The following ABI3BP variants were observed in gnomAD, a reference collection of about 807,000 sequenced individuals.
The protein encoded by ABI3BP is ABI family member 3 binding protein.
Under a neutral mutation model 268.6 loss-of-function variants are expected in ABI3BP, and 216 were observed. The ratio of observed to expected loss-of-function variants is 0.80; its 90% CI spans 0.72 to 0.90. The LOEUF (loss-of-function observed/expected upper bound fraction) is 0.90, where lower values mean the gene tolerates loss of function less well. Ranked by LOEUF, ABI3BP falls within the 40% of genes least tolerant of loss-of-function variation. The probability of loss-of-function intolerance (pLI) is 0.00; values close to 1 mark genes in which losing one functional copy is unlikely to be tolerated. For missense variants in ABI3BP, 2,090 were observed against 2,182.4 expected (o/e 0.96, Z 0.84); for synonymous variants, 730 against 730.0 (o/e 1.00, Z 0.00).
intron 14 of ABI3BP, among the ~76,000 whole-genome samples, chr3:100,853,922 T>A (rs2098901460): frequency 6.6e-6 from 1 of 152,138 alleles, no homozygotes; most frequent in Non-Finnish European, 1.5e-5. Flanking sequence ...ATTTCTGTAG[T>A]TTCCATGAGT....
At chr3:100,757,752 A>AATTT (rs2095701807) in intron 63 of ABI3BP, among the ~76,000 whole-genome samples, 1 of 152,184 alleles carries the variant, frequency 6.6e-6, no homozygotes, top group Non-Finnish European at 1.5e-5. Context: ...CAAAGAAATG[A>AATTT]CTGGAGTATT....
At chr3:100,843,520 T>C (rs1158658836) in intron 20 of ABI3BP, 3 of 732,658 alleles carry the variant, frequency 4.1e-6, no homozygotes, top group Non-Finnish European at 4.7e-6. Flanking sequence ...AGGGAGAGGA[T>C]GTGTGTGTGT....
chr3:100,869,883 C>T (rs1326655312), intron 9 of ABI3BP, among the ~76,000 whole-genome samples: 1 of 152,112 alleles, frequency 6.6e-6, no homozygotes, highest in Non-Finnish European at 1.5e-5. Context: ...ACAGTTGTTT[C>T]CTTTAATTTT....
Position 100,810,403 on chromosome 3 carries a change from T to C in ABI3BP, c.3607+9A>G, listed in dbSNP as rs756507830. The C allele has an allele frequency of 3.9e-6, 6 of 1,528,688 alleles. 1 individual carries two copies. Among genetic ancestry groups the C allele is most frequent in the South Asian group, 2.4e-5 (2 of 83,784 alleles). The allele number at this position is 1,528,688 out of a possible 1,614,324, so 94.7% of individuals were successfully genotyped here. A position where few individuals can be genotyped will look rare whatever the true frequency, so the allele number is the denominator to read the frequency against. On this transcript the variant is annotated intron_variant, in intron 49 of 67. Transcript: ENST00000471714. ...ACCTCATATATGACATACAAAATAA[T>C]GTATTTACCAGGTTCAGTCTGAGGC...
intron 28 of ABI3BP, 107 bp from the exon 29 acceptor site, chr3:100,834,880 G>A: frequency 9.4e-7 from 1 of 1,062,512 alleles, no homozygotes; most frequent in Non-Finnish European, 1.3e-6. Flanking sequence ...TGAGAAATTT[G>A]TCTCTTTGGT....
intron 35 of ABI3BP, 39 bp downstream of exon 35, chr3:100,825,746 A>G: frequency 6.8e-7 from 1 of 1,480,764 alleles, no homozygotes; most frequent in South Asian, 1.2e-5. Flanking sequence ...AAGCAGCAAA[A>G]GCACTTGGCA....
chr3:100,989,021 C>T (rs557041725), intron 1 of ABI3BP, among the ~76,000 whole-genome samples: 28 of 152,242 alleles, frequency 1.8e-4, no homozygotes, highest in Middle Eastern at 3.4e-3. Flanking sequence ...GTTGCCAGTG[C>T]GATAGTATTA....
At chr3:100,894,753 C>A (rs895507714) in intron 4 of ABI3BP, among the ~76,000 whole-genome samples, 1 of 151,714 alleles carries the variant, frequency 6.6e-6, no homozygotes. Flanking sequence ...TCCTGGCTAA[C>A]ACGGTGAAAC....
intron 1 of ABI3BP, among the ~76,000 whole-genome samples, chr3:100,983,629 G>T (rs928945635): frequency 7.9e-5 from 12 of 152,116 alleles, no homozygotes; most frequent in Admixed American, 2.0e-4. Context: ...TCATATAAAA[G>T]TAAATGACTT....
chr3:100,906,439 G>T (rs186117650), intron 2 of ABI3BP, among the ~76,000 whole-genome samples: 1 of 152,274 alleles, frequency 6.6e-6, no homozygotes. Flanking sequence ...GGGGACACAG[G>T]TGTGGAAAAA....
chr3:100,846,593 G>C, intron 19 of ABI3BP, 147 bp from the exon 20 acceptor site: 2 of 553,334 alleles, frequency 3.6e-6, no homozygotes, highest in Non-Finnish European at 3.1e-6. Context: ...ATTCCATTAA[G>C]AGAATATTTC....
chr3:100,798,682 G>C (rs2097429017), intron 51 of ABI3BP, among the ~76,000 whole-genome samples: 1 of 152,252 alleles, frequency 6.6e-6, no homozygotes, highest in East Asian at 1.9e-4. Flanking sequence ...AATGCACAAT[G>C]TCTGTCATAG....
chr3:100,939,645 T>C (rs1159235552), intron 1 of ABI3BP, among the ~76,000 whole-genome samples: 1 of 151,904 alleles, frequency 6.6e-6, no homozygotes, highest in Non-Finnish European at 1.5e-5. Context: ...ACAAGGCAAA[T>C]GGAGGCAGGG....
chr3:100,834,794 A>T, intron 28 of ABI3BP, 21 bp from the exon 29 acceptor site: 1 of 1,532,332 alleles, frequency 6.5e-7, no homozygotes, highest in Non-Finnish European at 8.7e-7. Context: ...GAAACTGGTT[A>T]TTGTAGTCAT....
chr3:100,865,009 G>A, intron 10 of ABI3BP, 102 bp from the exon 11 acceptor site: 1 of 851,832 alleles, frequency 1.2e-6, no homozygotes. Flanking sequence ...GCTGATATTT[G>A]TATAGCCCAT....
intron 55 of ABI3BP, among the ~76,000 whole-genome samples, chr3:100,790,839 A>T (rs971702176): frequency 1.3e-5 from 2 of 151,996 alleles, no homozygotes; most frequent in Non-Finnish European, 2.9e-5. Flanking sequence ...TTCTTGTCTC[A>T]TTCTAGAATA....
At chr3:100,817,803 G>A (rs2152568413) in intron 41 of ABI3BP, among the ~76,000 whole-genome samples, 1 of 152,244 alleles carries the variant, frequency 6.6e-6, no homozygotes, top group African/African-American at 2.4e-5. Flanking sequence ...TAACTGTATT[G>A]AAAAAGGCGT....
At chr3:100,880,985 G>A (rs1318767571) in intron 6 of ABI3BP, among the ~76,000 whole-genome samples, 2 of 152,012 alleles carry the variant, frequency 1.3e-5, no homozygotes, top group Non-Finnish European at 2.9e-5. Flanking sequence ...TGACTCAAGA[G>A]TCAAACCACA....
chr3:100,778,645 T>C (rs2096780588), intron 58 of ABI3BP: 3 of 347,190 alleles, frequency 8.6e-6, no homozygotes, highest in Middle Eastern at 7.5e-4. Flanking sequence ...CCTTCATATC[T>C]GTGGGTTCCC....
Sources: gnomAD v4.1 joint callset for allele counts (sites outside exome capture counted in the v4.1 genomes callset) on GRCh38, gnomAD v4.1.1 for gene constraint, MANE v1.5 for transcripts, NCBI Gene and HGNC (gene_info 2026-07-23, HGNC 2026-07-21) for gene names.